RYR2: variants seen among roughly 807,000 people sequenced by gnomAD.
RYR2 encodes cardiac muscle ryanodine receptor-calcium release channel.
A neutral mutation model predicts 601.1 loss-of-function variants in RYR2; 227 were observed. The observed-to-expected ratio is 0.38, with a 90% CI of 0.34 to 0.42. The LOEUF is 0.42. Among genes scored for constraint, RYR2 ranks in the 10% least tolerant of loss-of-function variants. The pLI, the probability that RYR2 is intolerant of heterozygous loss-of-function variation, is 1.00. For synonymous variants in RYR2, 2,223 were observed against 2,175.1 expected, an observed-to-expected ratio of 1.02 and a Z score of -0.61; for missense variants, 4,646 against 6,156.5, an observed-to-expected ratio of 0.75 and a Z score of 8.21.
chr1:237,469,765 G>A (rs1660502460), intron 17 of RYR2, among the ~76,000 whole-genome samples: 1 of 152,074 alleles, frequency 6.6e-6, no homozygotes, highest in South Asian at 2.1e-4. Flanking sequence ...AAATCCTAGA[G>A]TGTAATATTT....
At chr1:237,332,284 T>C (rs1368809368) in intron 3 of RYR2, among the ~76,000 whole-genome samples, 1 of 152,212 alleles carries the variant, frequency 6.6e-6, no homozygotes, top group Non-Finnish European at 1.5e-5. Context: ...GCATTAATTC[T>C]AAATTAAATT....
At chr1:237,634,785 G>A (rs1303212184) in intron 43 of RYR2, 104 bp from the exon 44 acceptor site, 7 of 790,286 alleles carry the variant, frequency 8.9e-6, no homozygotes, top group Non-Finnish European at 1.5e-5. Flanking sequence ...AATACACTAT[G>A]GATGGTGTTT....
intron 100 of RYR2, among the ~76,000 whole-genome samples, chr1:237,817,643 A>G (rs1336709500): frequency 6.6e-6 from 1 of 152,226 alleles, no homozygotes; most frequent in Non-Finnish European, 1.5e-5. Context: ...AAGCCATGAA[A>G]CTGGGAAAGG....
At chr1:237,434,694 C>A (rs912027474) in intron 12 of RYR2, among the ~76,000 whole-genome samples, 1 of 152,118 alleles carries the variant, frequency 6.6e-6, no homozygotes, top group East Asian at 1.9e-4. Flanking sequence ...GAATAGAAGT[C>A]TTTTGCTATG....
chr1:237,424,577 A>G (rs954318485), intron 12 of RYR2, among the ~76,000 whole-genome samples: 3 of 152,224 alleles, frequency 2.0e-5, no homozygotes, highest in Admixed American at 6.5e-5. Context: ...TAGTAGAACT[A>G]CAATACATGC....
chr1:237,674,701 G>T, intron 59 of RYR2, 30 bp from the exon 60 acceptor site: 1 of 1,272,474 alleles, frequency 7.9e-7, no homozygotes, highest in South Asian at 1.2e-5. Flanking sequence ...TGTACAAATT[G>T]CTTTCCCATT....
At chr1:237,086,072 C>A (rs1462335378) in intron 1 of RYR2, among the ~76,000 whole-genome samples, 1 of 152,212 alleles carries the variant, frequency 6.6e-6, no homozygotes, top group Non-Finnish European at 1.5e-5. Context: ...GACATTTTAG[C>A]CTAAGGCATG....
intron 1 of RYR2, among the ~76,000 whole-genome samples, chr1:237,208,122 G>C (rs958883554): frequency 6.6e-6 from 1 of 152,174 alleles, no homozygotes; most frequent in Non-Finnish European, 1.5e-5. Context: ...AGCCAGCACC[G>C]GCACACCATA....
intron 1 of RYR2, among the ~76,000 whole-genome samples, chr1:237,074,644 T>A (rs964321020): frequency 1.6e-4 from 24 of 152,210 alleles, no homozygotes; most frequent in African/African-American, 5.8e-4. Flanking sequence ...ACGGGTAGAA[T>A]GTGTGTTCCA....
At chr1:237,587,755 T>C (rs1373695781) in intron 29 of RYR2, among the ~76,000 whole-genome samples, 1 of 152,206 alleles carries the variant, frequency 6.6e-6, no homozygotes, top group Non-Finnish European at 1.5e-5. Flanking sequence ...ATGAAAGTAT[T>C]TCAAATATGC....
chr1:237,304,706 C>T (rs1261541593), intron 2 of RYR2, among the ~76,000 whole-genome samples: 3 of 149,134 alleles, frequency 2.0e-5, no homozygotes, highest in African/African-American at 7.3e-5. Context: ...AGAATCATTT[C>T]ATCCATTCAA....
intron 10 of RYR2, among the ~76,000 whole-genome samples, chr1:237,391,547 G>A (rs1247864343): frequency 6.6e-6 from 1 of 152,142 alleles, no homozygotes; most frequent in South Asian, 2.1e-4. Flanking sequence ...GTTTACTTCT[G>A]AGTGATTTAG....
intron 25 of RYR2, among the ~76,000 whole-genome samples, chr1:237,545,594 G>A (rs1235339589): frequency 6.6e-6 from 1 of 152,122 alleles, no homozygotes; most frequent in Non-Finnish European, 1.5e-5. Flanking sequence ...TGGGGAGTGA[G>A]AAGTAGTTGT....
At chr1:237,566,912 G>A in intron 28 of RYR2, 137 bp downstream of exon 28, 1 of 872,132 alleles carries the variant, frequency 1.1e-6, no homozygotes, top group South Asian at 1.6e-5. Flanking sequence ...GAAAGCTTTT[G>A]TCCTCGTAGT....
chr1:237,073,198 C>T (rs1013554600), intron 1 of RYR2, among the ~76,000 whole-genome samples: 3 of 152,110 alleles, frequency 2.0e-5, no homozygotes, highest in African/African-American at 4.8e-5. Context: ...CAAACATCTA[C>T]GGAATGCCTG....
Position 237,610,686 on chromosome 1 carries a change from C to CAA in RYR2, c.4684-75_4684-74insAA. On this transcript the variant is annotated intron_variant, in intron 35 of 104. Transcript: ENST00000366574. This position sits in a 1 kb window ranked among gnomAD's most constrained non-coding sequence, Gnocchi z 4.9. Reference sequence around the variant, plus strand: ...TTACTTTCCCTGTCTCTGTCCTGTGCAGAATTCTAGTCATTACTTTGTGAA... The same window carrying CAA: ...TTACTTTCCCTGTCTCTGTCCTGTGCAAAGAATTCTAGTCATTACTTTGTGAA... 8.5e-7 allele frequency: 1 copy of CAA among 1,183,092 alleles called. No homozygotes were observed. Among genetic ancestry groups the CAA allele is most frequent in the South Asian group, 1.4e-5 (1 of 69,086 alleles). 73.3% of individuals were successfully genotyped at this position (1,183,092 alleles called of 1,614,324 possible). A position where few individuals can be genotyped will look rare whatever the true frequency, so the allele number is the denominator to read the frequency against.
At chr1:237,294,367 C>G (rs565651900) in intron 2 of RYR2, among the ~76,000 whole-genome samples, 1 of 151,806 alleles carries the variant, frequency 6.6e-6, no homozygotes, top group South Asian at 2.1e-4. Flanking sequence ...TAGCTACTAC[C>G]AATCAGTAGT....
chr1:237,555,388 G>A (rs1469156894), intron 27 of RYR2, among the ~76,000 whole-genome samples: 3 of 152,074 alleles, frequency 2.0e-5, no homozygotes, highest in Non-Finnish European at 2.9e-5. Flanking sequence ...GTAGGTAGCA[G>A]TGATGACAGT....
chr1:237,370,139 A>C (rs1163764962), intron 6 of RYR2, among the ~76,000 whole-genome samples: 1 of 151,788 alleles, frequency 6.6e-6, no homozygotes, highest in Admixed American at 6.6e-5. Context: ...ATGCACATAT[A>C]TATGTGTATA....
Sources: gnomAD v4.1 joint callset for allele counts (sites outside exome capture counted in the v4.1 genomes callset) on GRCh38, gnomAD v4.1.1 for gene constraint, Gnocchi (gnomAD v3.1) non-coding constraint, MANE v1.5 for transcripts, NCBI Gene and HGNC (gene_info 2026-07-23, HGNC 2026-07-21) for gene names.